The following OR2C1 variants were observed in gnomAD, a reference collection of about 807,000 sequenced individuals.
OR2C1 encodes the protein olfactory receptor family 2 subfamily C member 1, also known as olfactory receptor 2C1.
For synonymous variants in OR2C1, 209 were observed against 167.3 expected (o/e 1.25, Z -1.92); for missense variants, 468 against 388.3 (o/e 1.21, Z -1.73).
At chr16:3,330,270 C>T in the OR2C1 span, among the ~76,000 whole-genome samples, 1 of 151,762 alleles carries the variant, frequency 6.6e-6, no homozygotes, top group South Asian at 2.1e-4. Flanking sequence ...CCACACCCAG[C>T]TAATTTTTTG....
chr16:3,333,306 G>T, the OR2C1 span, among the ~76,000 whole-genome samples: 1 of 130,298 alleles, frequency 7.7e-6, no homozygotes, highest in Admixed American at 8.9e-5. Context: ...GTCAGAGGGA[G>T]AGTTTACAAA....
At chr16:3,344,577 A>G in the OR2C1 span, among the ~76,000 whole-genome samples, 2 of 151,964 alleles carry the variant, frequency 1.3e-5, no homozygotes, top group East Asian at 3.9e-4. Context: ...AATACAAAAA[A>G]TTAGCCGGGC....
At chr16:3,335,160 G>A in the OR2C1 span, among the ~76,000 whole-genome samples, 1 of 152,056 alleles carries the variant, frequency 6.6e-6, no homozygotes, top group Non-Finnish European at 1.5e-5. Flanking sequence ...TACTATTAGT[G>A]GTCTTTTGTG....
the OR2C1 span, among the ~76,000 whole-genome samples, chr16:3,348,204 G>A: frequency 6.6e-6 from 1 of 152,330 alleles, no homozygotes; most frequent in South Asian, 2.1e-4. Context: ...CAGTGCAGAG[G>A]AATGAGAATG....
At chr16:3,345,267 G>A in the OR2C1 span, among the ~76,000 whole-genome samples, 8 of 151,884 alleles carry the variant, frequency 5.3e-5, no homozygotes, top group Non-Finnish European at 7.4e-5. Context: ...GGCAGATCAC[G>A]AGGTCAACAG....
At chr16:3,333,210 C>CTTTTTTTTTTTTTTTTTTTTTTTTTT in the OR2C1 span, among the ~76,000 whole-genome samples, 4 of 33,050 alleles carry the variant, frequency 1.2e-4, 2 homozygotes, top group Non-Finnish European at 1.3e-4. Context: ...ATCTTTTGCC[C>CTTTTTTTTTTTTTTTTTTTTTTTTTT]ATTTTTTTTT....
At chr16:3,349,319 C>T in the OR2C1 span, among the ~76,000 whole-genome samples, 4 of 152,078 alleles carry the variant, frequency 2.6e-5, no homozygotes, top group Admixed American at 1.3e-4. Flanking sequence ...TCCTGTGTTC[C>T]GGCCACACTG....
At chr16:3,325,014 C>G in the OR2C1 span, among the ~76,000 whole-genome samples, 1 of 152,156 alleles carries the variant, frequency 6.6e-6, no homozygotes, top group Non-Finnish European at 1.5e-5. Flanking sequence ...CAGAGCCTCA[C>G]TCTGTCACCC....
the OR2C1 span, among the ~76,000 whole-genome samples, chr16:3,331,839 A>G: frequency 6.7e-6 from 1 of 149,672 alleles, no homozygotes; most frequent in African/African-American, 2.5e-5. Flanking sequence ...ATGTCCAACA[A>G]TGATAGACTG....
the OR2C1 span, among the ~76,000 whole-genome samples, chr16:3,340,465 A>G: frequency 6.6e-6 from 1 of 152,044 alleles, no homozygotes; most frequent in African/African-American, 2.4e-5. Flanking sequence ...TTTTAATTTT[A>G]ATGAGGTCCA....
the OR2C1 span, among the ~76,000 whole-genome samples, chr16:3,348,782 C>T: frequency 1.3e-5 from 2 of 152,170 alleles, no homozygotes; most frequent in African/African-American, 4.8e-5. Context: ...AATCAGGTTA[C>T]CAGGCACCTG....
chr16:3,352,600 C>G (rs79536083), upstream of OR2C1, among the ~76,000 whole-genome samples: 4,336 of 152,092 alleles, frequency 0.029, 216 homozygotes, highest in African/African-American at 0.096. Context: ...AAGATTCAAA[C>G]TCCCCCATTT....
upstream of OR2C1, among the ~76,000 whole-genome samples, chr16:3,355,146 A>G (rs1410705251): frequency 6.6e-6 from 1 of 152,004 alleles, no homozygotes; most frequent in African/African-American, 2.4e-5. Flanking sequence ...TGTAACCAAC[A>G]GTAGATGGGG....
the OR2C1 span, among the ~76,000 whole-genome samples, chr16:3,349,056 C>T: frequency 6.6e-6 from 1 of 152,020 alleles, no homozygotes; most frequent in Non-Finnish European, 1.5e-5. Flanking sequence ...GTCATGTAAC[C>T]ACTATATGTT....
Position 3,356,811 on chromosome 16 carries a change from A to C in OR2C1, c.871A>C (p.Thr291Pro). The part of the protein sequence containing the change: ...VTPMVNPLIY[T>P]LRNMEVKGAL... ...ACCCATGGTGAATCCCCTCATCTAC[A>C]CGCTGCGGAACATGGAAGTGAAGGG... Residue 291 changes from threonine to proline, a missense_variant, in exon 1 of 1, where the codon ACG becomes CCG. By Grantham distance (38) the Thr-to-Pro change is conservative (BLOSUM62 -1). Transcript: ENST00000304936. The C allele has an allele frequency of 6.2e-7, 1 of 1,613,966 alleles. No individual in the cohort carries two copies.
the OR2C1 span, among the ~76,000 whole-genome samples, chr16:3,345,485 CAAAA>C: frequency 3.0e-4 from 42 of 142,152 alleles, no homozygotes; most frequent in South Asian, 4.4e-4. Flanking sequence ...GACTCTGTCT[CAAAA>C]AAAAAAAAAA....
the OR2C1 span, among the ~76,000 whole-genome samples, chr16:3,341,992 A>G: frequency 2.6e-5 from 4 of 152,230 alleles, no homozygotes; most frequent in African/African-American, 9.6e-5. Flanking sequence ...AAATCTGTAC[A>G]TCAATGTTCA....
chr16:3,336,708 C>CTTTTTTTTTTTTTTTTT, the OR2C1 span, among the ~76,000 whole-genome samples: 1 of 93,768 alleles, frequency 1.1e-5, no homozygotes, highest in African/African-American at 4.5e-5. Flanking sequence ...TTCTTTCTTT[C>CTTTTTTTTTTTTTTTTT]TTTCTTTTTT....
upstream of OR2C1, among the ~76,000 whole-genome samples, chr16:3,351,226 C>CTTT (rs146153498): frequency 7.5e-5 from 1 of 13,266 alleles, no homozygotes; most frequent in Non-Finnish European, 2.2e-4. Context: ...TTTTCTTTTT[C>CTTT]TTTTTTTTTT....
Sources: gnomAD v4.1 joint callset for allele counts (sites outside exome capture counted in the v4.1 genomes callset) on GRCh38, gnomAD v4.1.1 for gene constraint, MANE v1.5 for transcripts, NCBI Gene and HGNC (gene_info 2026-07-23, HGNC 2026-07-21) for gene names.